Variants in MYO16 observed in about 807,000 individuals in gnomAD.
MYO16 encodes the protein unconventional myosin-XVI.
MYO16 carries 94 observed loss-of-function variants against 205.3 expected under a neutral mutation model. That is an observed-to-expected ratio of 0.46 (90% CI 0.39 to 0.54). The LOEUF (loss-of-function observed/expected upper bound fraction) is 0.54. Ranked by LOEUF, MYO16 falls within the 20% of genes least tolerant of loss-of-function variation. MYO16 has a pLI of 0.00. For synonymous variants in MYO16, 988 were observed against 954.0 expected, an observed-to-expected ratio of 1.04 and a Z score of -0.66; for missense variants, 2,315 against 2,387.5, an observed-to-expected ratio of 0.97 and a Z score of 0.63.
intron 24 of MYO16, among the ~76,000 whole-genome samples, chr13:109,051,245 G>A (rs549824747): frequency 6.6e-6 from 1 of 151,694 alleles, no homozygotes; most frequent in African/African-American, 2.4e-5. Context: ...TTCCCTGTTC[G>A]TTTATTACCT....
chr13:108,628,671 G>C (rs1879841308), upstream of MYO16, among the ~76,000 whole-genome samples: 1 of 152,068 alleles, frequency 6.6e-6, no homozygotes, highest in African/African-American at 2.4e-5. Flanking sequence ...ACCCCTTGTT[G>C]TATAGATTTG....
At chr13:108,972,205 GTCTCTCTCTC>G (rs749547949) in intron 20 of MYO16, among the ~76,000 whole-genome samples, 3 of 11,140 alleles carry the variant, frequency 2.7e-4, no homozygotes, top group Non-Finnish European at 4.6e-4. Flanking sequence ...CTGAGACCCT[GTCTCTCTCTC>G]TCTCTCTCTC....
At position 108,667,320 on chromosome 13, in the gene MYO16, G is replaced by GTTT. The variant is rs770988720; in HGVS notation, c.292+1185_292+1187dup. ...GTAATATTCTGAGAATTTCTGTTTT[G>GTTT]TTTTTTTTTTTTTTTTGTCTTAAAC... On this transcript the variant is annotated intron_variant, in intron 2 of 34. Transcript: ENST00000457511. Among the ~76,000 whole-genome samples, 471 of 128,526 alleles carry GTTT rather than the reference G, an allele frequency of 3.7e-3. 3 individuals are homozygous for GTTT. The highest frequency in any genetic ancestry group is 0.012 in the African/African-American group (427 of 34,824). 84.3% of individuals were successfully genotyped at this position (128,526 alleles called of 152,430 possible). A position where few individuals can be genotyped will look rare whatever the true frequency, so the allele number is the denominator to read the frequency against.
chr13:108,909,851 A>G (rs758065833), intron 15 of MYO16, 152 bp from the exon 16 acceptor site: 27 of 790,888 alleles, frequency 3.4e-5, no homozygotes, highest in Non-Finnish European at 4.7e-5. Flanking sequence ...AGTCCTAGCT[A>G]ATGCAAAAAG....
intron 1 of MYO16, among the ~76,000 whole-genome samples, chr13:108,650,633 A>T (rs1880958547): frequency 6.6e-6 from 1 of 152,318 alleles, no homozygotes; most frequent in South Asian, 2.1e-4. Context: ...ATAAAACCAA[A>T]GAGAACTTCT....
intron 8 of MYO16, among the ~76,000 whole-genome samples, chr13:108,821,981 A>T (rs1005017621): frequency 1.3e-5 from 2 of 152,198 alleles, no homozygotes; most frequent in Admixed American, 1.3e-4. Flanking sequence ...GTTATAATGC[A>T]GTGAAAGGTT....
chr13:109,143,180 A>T (rs1409903284), intron 32 of MYO16, among the ~76,000 whole-genome samples: 1 of 152,164 alleles, frequency 6.6e-6, no homozygotes, highest in Non-Finnish European at 1.5e-5. Flanking sequence ...AAGAAAATAC[A>T]TAAATGTGTA....
chr13:108,825,007 A>G (rs113716546), intron 9 of MYO16, among the ~76,000 whole-genome samples: 104 of 152,236 alleles, frequency 6.8e-4, no homozygotes, highest in African/African-American at 2.4e-3. Flanking sequence ...ATCTGTCACA[A>G]ACACTTTCAA....
intron 6 of MYO16, among the ~76,000 whole-genome samples, chr13:108,806,418 G>A (rs751728547): frequency 4.6e-5 from 7 of 152,086 alleles, no homozygotes; most frequent in African/African-American, 9.7e-5. Flanking sequence ...AATGGAACTC[G>A]GAGGGGGATG....
upstream of MYO16, among the ~76,000 whole-genome samples, chr13:108,625,050 C>T (rs1333366028): frequency 6.6e-6 from 1 of 152,074 alleles, no homozygotes; most frequent in Non-Finnish European, 1.5e-5. Context: ...CTGGGTTAGC[C>T]CTCACTGCCC....
At chr13:109,168,870 T>C (rs1878808427) in intron 33 of MYO16, among the ~76,000 whole-genome samples, 1 of 146,248 alleles carries the variant, frequency 6.8e-6, no homozygotes, top group African/African-American at 2.4e-5. Context: ...CTTTTGTGTA[T>C]GAGTGGAAGG....
chr13:108,560,556 C>T, the MYO16 span, among the ~76,000 whole-genome samples: 3 of 152,130 alleles, frequency 2.0e-5, no homozygotes, highest in African/African-American at 7.2e-5. Flanking sequence ...CTACTTTGCA[C>T]TTATTTCAGA....
At chr13:108,609,699 A>T (rs988450651) in intron 1 of MYO16, among the ~76,000 whole-genome samples, 5 of 152,232 alleles carry the variant, frequency 3.3e-5, no homozygotes, top group African/African-American at 1.2e-4. Flanking sequence ...AGTGAATTTT[A>T]TACAGAGATT....
intron 7 of MYO16, among the ~76,000 whole-genome samples, chr13:108,809,588 A>G (rs937935069): frequency 2.6e-5 from 4 of 152,166 alleles, no homozygotes; most frequent in African/African-American, 4.8e-5. Context: ...CAGATGCCAC[A>G]CACTTAAACA....
At chr13:108,749,034 G>A (rs2139630705) in intron 4 of MYO16, among the ~76,000 whole-genome samples, 1 of 152,010 alleles carries the variant, frequency 6.6e-6, no homozygotes, top group South Asian at 2.1e-4. Flanking sequence ...GTTTGGCAGG[G>A]TTTTTTTGAC....
intron 15 of MYO16, 52 bp downstream of exon 15, chr13:108,898,185 C>A: frequency 7.3e-7 from 1 of 1,373,100 alleles, no homozygotes; most frequent in Non-Finnish European, 1.0e-6. Context: ...CAGCATGCGA[C>A]CACGTCACAC....
chr13:109,147,674 G>T (rs1877409419), intron 32 of MYO16, among the ~76,000 whole-genome samples: 1 of 152,068 alleles, frequency 6.6e-6, no homozygotes, highest in Non-Finnish European at 1.5e-5. Context: ...ATTTATTTGT[G>T]TGTGGGGAGT....
At chr13:108,604,139 G>T (rs1295139559) in intron 1 of MYO16, among the ~76,000 whole-genome samples, 1 of 152,130 alleles carries the variant, frequency 6.6e-6, no homozygotes, top group Non-Finnish European at 1.5e-5. Flanking sequence ...CACAAGAACA[G>T]CATGGGGAAA....
At chr13:108,594,645 C>T (rs548193612), upstream of MYO16, among the ~76,000 whole-genome samples, 7 of 152,212 alleles carry the variant, frequency 4.6e-5, no homozygotes, top group Non-Finnish European at 1.0e-4. Flanking sequence ...CACTTCGGTG[C>T]TGGATAATTT....
Sources: gnomAD v4.1 joint callset for allele counts (sites outside exome capture counted in the v4.1 genomes callset) on GRCh38, gnomAD v4.1.1 for gene constraint, MANE v1.5 for transcripts, NCBI Gene and HGNC (gene_info 2026-07-23, HGNC 2026-07-21) for gene names.